Variants in CSMD2 observed in about 807,000 individuals in gnomAD.
CSMD2 encodes the protein CUB and sushi domain-containing protein 2.
A neutral mutation model predicts 398.5 loss-of-function variants in CSMD2; 130 were observed. The observed-to-expected ratio is 0.33, with a 90% CI of 0.28 to 0.38. The LOEUF is 0.38. CSMD2 is among the 10% of genes least tolerant of loss of function. CSMD2 has a pLI of 1.00. For missense variants in CSMD2, 3,829 were observed against 4,764.9 expected (o/e 0.80, Z 5.78); for synonymous variants, 1,828 against 1,908.5 (o/e 0.96, Z 1.10).
chr1:33,858,780 T>G (rs1639280026), intron 5 of CSMD2, among the ~76,000 whole-genome samples: 1 of 152,194 alleles, frequency 6.6e-6, no homozygotes, highest in African/African-American at 2.4e-5. Flanking sequence ...TGTTCATCAC[T>G]GGCCATCAAA....
chr1:33,545,986 C>G (rs372456796), intron 57 of CSMD2, 51 bp downstream of exon 57: 1 of 1,548,370 alleles, frequency 6.5e-7, no homozygotes, highest in African/African-American at 1.4e-5. Context: ...GGAGCAGGGG[C>G]GAGCTCTGGG....
At chr1:33,813,665 G>A (rs1657114386) in intron 9 of CSMD2, among the ~76,000 whole-genome samples, 1 of 152,002 alleles carries the variant, frequency 6.6e-6, no homozygotes, top group South Asian at 2.1e-4. Context: ...CTACCACCTG[G>A]ACCCACAGCC....
intron 12 of CSMD2, among the ~76,000 whole-genome samples, chr1:33,773,251 A>G (rs479938): frequency 0.16 from 23,948 of 152,228 alleles, 2,317 homozygotes; most frequent in African/African-American, 0.25. Context: ...AAGATGACAC[A>G]GCAGTTGAGG....
intron 18 of CSMD2, 96 bp downstream of exon 18, chr1:33,724,420 T>C: frequency 6.5e-7 from 1 of 1,531,516 alleles, no homozygotes; most frequent in Non-Finnish European, 9.0e-7. Context: ...CAACCTTCGC[T>C]GATGGGGTGA....
intron 23 of CSMD2, among the ~76,000 whole-genome samples, chr1:33,700,234 C>A (rs1031246755): frequency 1.3e-5 from 2 of 152,152 alleles, no homozygotes; most frequent in Non-Finnish European, 2.9e-5. Context: ...GTCTTGAACT[C>A]CTGACCTCGT....
intron 3 of CSMD2, among the ~76,000 whole-genome samples, chr1:33,984,080 G>T (rs2147966742): frequency 6.6e-6 from 1 of 152,266 alleles, no homozygotes; most frequent in Admixed American, 6.5e-5. Context: ...CGTGAACCCT[G>T]GAGGCGGAGC....
At chr1:33,758,217 T>A (rs1397793929) in intron 13 of CSMD2, among the ~76,000 whole-genome samples, 1 of 152,194 alleles carries the variant, frequency 6.6e-6, no homozygotes, top group East Asian at 1.9e-4. Context: ...ATGTTTGTAT[T>A]TTTGCCCCAG....
In CSMD2 at chr1:33,724,685, G is replaced by A. The variant is rs1238712033; in HGVS notation, c.2715C>T (p.Asp905=). 2 of 1,614,114 alleles carry A rather than the reference G, an allele frequency of 1.2e-6. No individual in the cohort carries two copies. The highest frequency in any genetic ancestry group is 8.5e-7 in the Non-Finnish European group (1 of 1,180,002). The change falls in exon 18 of 71, where the codon GAC becomes GAT. Residue 905 remains aspartate, a synonymous_variant. Transcript: ENST00000373381. ...LRYETITLQS[D]HCLDPGIPVN... ...CTGGGATTCCTGGATCCAGACAGTG[G>A]TCTGACTGCAGTGTTATAGCTGAAA... is the stretch of plus-strand genomic sequence containing the variant.
chr1:33,677,296 C>A (rs1256037198), intron 25 of CSMD2, among the ~76,000 whole-genome samples: 1 of 152,180 alleles, frequency 6.6e-6, no homozygotes, highest in Non-Finnish European at 1.5e-5. Context: ...AAAAAGTGGG[C>A]AACGGATATG....
intron 28 of CSMD2, among the ~76,000 whole-genome samples, chr1:33,651,816 C>G (rs144736149): frequency 6.6e-6 from 1 of 152,152 alleles, no homozygotes; most frequent in African/African-American, 2.4e-5. Context: ...AACCAGGTTC[C>G]AGGGGGTTGA....
In CSMD2 at chr1:33,542,559, C is replaced by T. The variant is rs114489164; in HGVS notation, c.9277+161G>A. Among the ~76,000 whole-genome samples, 387 of 152,352 alleles carry T rather than the reference C, an allele frequency of 2.5e-3. 2 individuals are homozygous for T. Among genetic ancestry groups the T allele is most frequent in the African/African-American group, 9.1e-3 (377 of 41,582 alleles). On this transcript the variant is annotated intron_variant, in intron 58 of 70. Coordinates refer to ENST00000373381, the MANE Select transcript of CSMD2 (RefSeq NM_001281956.2). Reference sequence around the variant, plus strand: ...AAAGTACTTCGCTCAGTGGCTGCCACATAGCATATGCTCAACAGAGGCTAT... The same window carrying T: ...AAAGTACTTCGCTCAGTGGCTGCCATATAGCATATGCTCAACAGAGGCTAT...
intron 5 of CSMD2, among the ~76,000 whole-genome samples, chr1:33,916,162 T>G (rs946203936): frequency 6.6e-6 from 1 of 152,222 alleles, no homozygotes; most frequent in African/African-American, 2.4e-5. Context: ...AAACATTTCA[T>G]GACACAATAA....
chr1:34,037,101 C>A (rs1475131308), intron 2 of CSMD2, among the ~76,000 whole-genome samples: 4 of 140,704 alleles, frequency 2.8e-5, no homozygotes, highest in East Asian at 2.2e-4. Context: ...GTAAAACACC[C>A]TCTACCAATA....
intron 10 of CSMD2, among the ~76,000 whole-genome samples, 156 bp downstream of exon 10, chr1:33,810,587 C>G (rs1382207440): frequency 1.4e-5 from 2 of 145,496 alleles, no homozygotes; most frequent in Non-Finnish European, 1.5e-5. Flanking sequence ...TTATAATCTG[C>G]TTTTTATCCA....
intron 1 of CSMD2, among the ~76,000 whole-genome samples, chr1:34,091,688 C>G (rs1044711631): frequency 6.6e-6 from 1 of 152,086 alleles, no homozygotes; most frequent in African/African-American, 2.4e-5. Context: ...AAATCCTAAA[C>G]AGGCATTTCA....
intron 28 of CSMD2, among the ~76,000 whole-genome samples, chr1:33,647,405 C>A (rs1557671676): frequency 6.6e-6 from 1 of 152,134 alleles, no homozygotes; most frequent in Non-Finnish European, 1.5e-5. Flanking sequence ...TATTCTGACC[C>A]TGGTATGAGA....
intron 3 of CSMD2, among the ~76,000 whole-genome samples, chr1:33,994,847 C>T (rs545920267): frequency 5.9e-5 from 9 of 152,064 alleles, no homozygotes; most frequent in Admixed American, 3.3e-4. Flanking sequence ...GGGTGGATCA[C>T]GAGGTCAGGA....
chr1:33,693,739 A>G (rs1645321457), intron 24 of CSMD2, among the ~76,000 whole-genome samples: 1 of 152,204 alleles, frequency 6.6e-6, no homozygotes, highest in South Asian at 2.1e-4. Context: ...ATAGCCATAC[A>G]ATGGAATAGT....
At chr1:33,716,717 C>A (rs1232902100) in intron 19 of CSMD2, among the ~76,000 whole-genome samples, 1 of 152,184 alleles carries the variant, frequency 6.6e-6, no homozygotes, top group African/African-American at 2.4e-5. Flanking sequence ...TTTTACAGTT[C>A]TTCTTTTACA....
Sources: allele counts gnomAD v4.1 joint callset (sites outside exome capture counted in the v4.1 genomes callset), GRCh38; gene constraint gnomAD v4.1.1; transcripts MANE v1.5; gene names NCBI Gene and HGNC (gene_info 2026-07-23, HGNC 2026-07-21).